Variants in MALRD1 observed in about 807,000 individuals in gnomAD.
MALRD1 encodes the protein MAM and LDL receptor class A domain containing 1, also known as MAM and LDL-receptor class A domain-containing protein 1.
Under a neutral mutation model 242.1 loss-of-function variants are expected in MALRD1, and 247 were observed. The ratio of observed to expected loss-of-function variants is 1.02; its 90% confidence interval spans 0.92 to 1.13. MALRD1 has a LOEUF of 1.13. MALRD1 is among the 50% of genes most tolerant of loss of function. The probability of loss-of-function intolerance (pLI) is 0.00; values close to 1 mark genes in which losing one functional copy is unlikely to be tolerated. For synonymous variants in MALRD1, 995 were observed against 866.6 expected (o/e 1.15, Z -2.60); for missense variants, 2,989 against 2,533.1 (o/e 1.18, Z -3.86).
At chr10:19,621,928 T>C (rs1289692532) in intron 36 of MALRD1, among the ~76,000 whole-genome samples, 2 of 151,758 alleles carry the variant, frequency 1.3e-5, no homozygotes, top group African/African-American at 4.8e-5. Context: ...GTCTCCAGAG[T>C]TGTGAAAAAG....
chr10:19,108,937 T>G (rs1365889950), intron 5 of MALRD1, among the ~76,000 whole-genome samples: 1 of 152,172 alleles, frequency 6.6e-6, no homozygotes. Context: ...GGTGGAATAA[T>G]TGCTCCTTCC....
intron 30 of MALRD1, among the ~76,000 whole-genome samples, chr10:19,497,749 T>C (rs756760016): frequency 3.9e-5 from 6 of 152,158 alleles, no homozygotes; most frequent in Non-Finnish European, 8.8e-5. Flanking sequence ...ATTCATTCTG[T>C]CTGTACAACG....
chr10:19,244,083 A>G (rs924126900), intron 18 of MALRD1, among the ~76,000 whole-genome samples: 13 of 152,106 alleles, frequency 8.5e-5, no homozygotes, highest in Admixed American at 2.6e-4. Flanking sequence ...TTATCTAAAG[A>G]TATCCGAAAC....
intron 21 of MALRD1, among the ~76,000 whole-genome samples, chr10:19,285,235 G>A (rs1408721674): frequency 4.9e-5 from 7 of 142,986 alleles, no homozygotes; most frequent in African/African-American, 8.0e-5. Context: ...TTCTTTTGCT[G>A]TGCAGAAGCT....
chr10:19,601,932 A>T (rs1439778150), intron 34 of MALRD1, among the ~76,000 whole-genome samples: 1 of 152,076 alleles, frequency 6.6e-6, no homozygotes, highest in African/African-American at 2.4e-5. Flanking sequence ...AAAAATAATG[A>T]TAAAAATATG....
At chr10:19,142,668 A>G (rs572006197) in intron 10 of MALRD1, among the ~76,000 whole-genome samples, 52 of 152,332 alleles carry the variant, frequency 3.4e-4, no homozygotes, top group Admixed American at 8.5e-4. Context: ...AATAAAGGCA[A>G]CTAAGTAATC....
intron 21 of MALRD1, among the ~76,000 whole-genome samples, chr10:19,306,494 G>A (rs553443928): frequency 4.3e-5 from 6 of 140,638 alleles, no homozygotes; most frequent in South Asian, 2.3e-4. Flanking sequence ...ATATAGTGTC[G>A]TATATGTACT....
At chr10:19,423,272 A>T (rs1466629044) in intron 28 of MALRD1, among the ~76,000 whole-genome samples, 4 of 151,554 alleles carry the variant, frequency 2.6e-5, no homozygotes, top group African/African-American at 9.7e-5. Context: ...GCTCAGTTTG[A>T]CTCTAAATTT....
chr10:19,683,404 A>G (rs755641218), intron 36 of MALRD1, among the ~76,000 whole-genome samples: 17 of 152,296 alleles, frequency 1.1e-4, no homozygotes, highest in East Asian at 1.9e-4. Flanking sequence ...ACAGTCTACA[A>G]TGTATTTTCA....
intron 31 of MALRD1, among the ~76,000 whole-genome samples, chr10:19,503,466 G>T (rs1838065016): frequency 6.6e-6 from 1 of 152,202 alleles, no homozygotes; most frequent in East Asian, 1.9e-4. Flanking sequence ...TGGAGACATT[G>T]ACGAAGTTGG....
chr10:19,459,932 T>A (rs973954144), intron 29 of MALRD1, among the ~76,000 whole-genome samples: 2 of 151,902 alleles, frequency 1.3e-5, no homozygotes, highest in Non-Finnish European at 2.9e-5. Context: ...TATCCCTAGG[T>A]TCAAATAGAG....
chr10:19,364,115 C>T (rs1047120770), intron 26 of MALRD1, among the ~76,000 whole-genome samples: 5 of 151,922 alleles, frequency 3.3e-5, no homozygotes, highest in African/African-American at 1.2e-4. Context: ...CATTAGAGGA[C>T]AAGAAATAAC....
At chr10:19,399,602 C>G (rs1295833978) in intron 28 of MALRD1, among the ~76,000 whole-genome samples, 1 of 151,986 alleles carries the variant, frequency 6.6e-6, no homozygotes, top group Non-Finnish European at 1.5e-5. Context: ...GAGAGAAAAC[C>G]CTTGTGATTC....
At chr10:19,666,251 C>T (rs1589377483) in intron 36 of MALRD1, among the ~76,000 whole-genome samples, 1 of 152,174 alleles carries the variant, frequency 6.6e-6, no homozygotes, top group Non-Finnish European at 1.5e-5. Context: ...GTTTATCTTC[C>T]AAATGCTCTT....
intron 21 of MALRD1, among the ~76,000 whole-genome samples, chr10:19,317,246 A>G (rs929904199): frequency 6.6e-5 from 10 of 151,812 alleles, no homozygotes; most frequent in African/African-American, 2.4e-4. Context: ...GAGGTTTCTT[A>G]TTTGCAGATA....
chr10:19,414,752 G>T (rs1833436867), intron 28 of MALRD1, among the ~76,000 whole-genome samples: 1 of 152,136 alleles, frequency 6.6e-6, no homozygotes, highest in Non-Finnish European at 1.5e-5. Flanking sequence ...CTGAGGCACT[G>T]ATTCCCCCAA....
At chr10:19,163,535 A>G (rs1177090705) in intron 12 of MALRD1, among the ~76,000 whole-genome samples, 4 of 152,112 alleles carry the variant, frequency 2.6e-5, no homozygotes, top group Non-Finnish European at 5.9e-5. Context: ...AGGAGCAGAA[A>G]AGATAACTAT....
intron 5 of MALRD1, among the ~76,000 whole-genome samples, chr10:19,123,166 A>G (rs1837126504): frequency 6.6e-6 from 1 of 152,210 alleles, no homozygotes; most frequent in Admixed American, 6.5e-5. Context: ...TCTGAGTTCC[A>G]ACATTAGGGC....
intron 24 of MALRD1, among the ~76,000 whole-genome samples, chr10:19,336,858 A>G (rs1843636220): frequency 6.6e-6 from 1 of 152,038 alleles, no homozygotes; most frequent in South Asian, 2.1e-4. Context: ...AATTTTCAAA[A>G]CCCTGCCAAG....
Sources: gnomAD v4.1 joint callset for allele counts (sites outside exome capture counted in the v4.1 genomes callset) on GRCh38, gnomAD v4.1.1 for gene constraint, MANE v1.5 for transcripts, NCBI Gene and HGNC (gene_info 2026-07-23, HGNC 2026-07-21) for gene names.